Variants in PUDP observed in about 807,000 individuals in gnomAD.
PUDP encodes the protein pseudouridine-5'-phosphatase.
PUDP carries 8 observed loss-of-function variants against 9.4 expected under a neutral mutation model. The observed-to-expected ratio is 0.85, with a 90% CI of 0.50 to 1.53. The LOEUF (loss-of-function observed/expected upper bound fraction) is 1.53. PUDP is among the 40% of genes most tolerant of loss of function. The pLI is 0.00. For missense variants in PUDP, 188 were observed against 189.7 expected (o/e 0.99, Z 0.05); for synonymous variants, 99 against 80.7 (o/e 1.23, Z -1.22).
At chrX:6,790,962 C>T (rs1171697449) in intron 3 of PUDP, among the ~76,000 whole-genome samples, 1 of 111,815 alleles carries the variant, frequency 8.9e-6, no homozygotes, top group Non-Finnish European at 1.9e-5. Flanking sequence ...TAAATATAAG[C>T]TTGGTGGAAA....
intron 3 of PUDP, among the ~76,000 whole-genome samples, chrX:6,811,054 T>C (rs1204594446): frequency 1.8e-5 from 2 of 111,829 alleles, no homozygotes; most frequent in Non-Finnish European, 3.8e-5. Context: ...TCCTGAAGCA[T>C]AGCCCAGCAA....
chrX:6,953,983 T>C, intron 3 of PUDP, among the ~76,000 whole-genome samples: 1 of 110,517 alleles, frequency 9.0e-6, no homozygotes. Flanking sequence ...CGAGATCCGA[T>C]GGTTTTATAC....
chrX:7,076,838 C>T (rs979319401), intron 3 of PUDP, among the ~76,000 whole-genome samples: 1 of 112,252 alleles, frequency 8.9e-6, no homozygotes, highest in African/African-American at 3.2e-5. Flanking sequence ...TGATTTACAT[C>T]TGAACTGCAG....
intron 3 of PUDP, among the ~76,000 whole-genome samples, chrX:6,960,000 T>C (rs1928684388): frequency 8.9e-6 from 1 of 112,573 alleles, no homozygotes; most frequent in African/African-American, 3.2e-5. Flanking sequence ...AAAGTAGATA[T>C]CTTGTTTGAT....
chrX:7,130,913 C>T (rs1256112732), intron 1 of PUDP, among the ~76,000 whole-genome samples: 1 of 111,565 alleles, frequency 9.0e-6, no homozygotes, highest in Non-Finnish European at 1.9e-5. Flanking sequence ...AAAGTAAAAA[C>T]TAAAATGGCT....
intron 3 of PUDP, among the ~76,000 whole-genome samples, chrX:7,072,161 T>C (rs1930754631): frequency 8.9e-6 from 1 of 111,849 alleles, no homozygotes; most frequent in Non-Finnish European, 1.9e-5. Flanking sequence ...CTGGTTGAAA[T>C]GAGCCCAGTC....
chrX:6,842,650 G>T (rs953493836), intron 3 of PUDP, among the ~76,000 whole-genome samples: 5 of 112,579 alleles, frequency 4.4e-5, no homozygotes, highest in Non-Finnish European at 9.4e-5. Context: ...TTCAAAACTT[G>T]TATTTGAACT....
At chrX:6,942,119 G>A (rs1005377021) in intron 3 of PUDP, among the ~76,000 whole-genome samples, 1 of 110,937 alleles carries the variant, frequency 9.0e-6, no homozygotes, top group Non-Finnish European at 1.9e-5. Context: ...TACTATTCTG[G>A]CAATAGATAC....
chrX:6,939,047 G>A (rs1329078360), intron 3 of PUDP, among the ~76,000 whole-genome samples: 3 of 109,767 alleles, frequency 2.7e-5, no homozygotes, highest in East Asian at 2.8e-4. Context: ...TGCAAACCAC[G>A]GCTTTTTATC....
At position 6,857,984 on chromosome X, in the gene PUDP, C is replaced by T. The variant is rs150739728; in HGVS notation, c.*247+119149G>A. 4.7e-3 allele frequency among the ~76,000 whole-genome samples: 525 copies of T among 111,859 alleles called. 3 individuals carry two copies. The highest frequency in any genetic ancestry group is 0.016 in the African/African-American group (493 of 30,803). ...TATGGTAATGAGGTGACTCAGGGTGCACTGAAGTTAATAGCGTCAGGATGG... is the reference window on the plus strand; with the variant it reads ...TATGGTAATGAGGTGACTCAGGGTGTACTGAAGTTAATAGCGTCAGGATGG... On this transcript the variant is annotated intron_variant and NMD_transcript_variant, in intron 3 of 3. Coordinates refer to the PUDP transcript ENST00000655425.
At chrX:7,116,981 G>A (rs1306103274) in intron 1 of PUDP, 1 of 1,165,300 alleles carries the variant, frequency 8.6e-7, no homozygotes, top group African/African-American at 1.8e-5. Flanking sequence ...CACCGTGATT[G>A]TAAGCCTCTT....
At chrX:7,067,500 T>C (rs1178402857) in intron 3 of PUDP, among the ~76,000 whole-genome samples, 5 of 111,901 alleles carry the variant, frequency 4.5e-5, no homozygotes, top group African/African-American at 1.6e-4. Context: ...GAACACTTAC[T>C]GAGCTGTGAC....
intron 3 of PUDP, among the ~76,000 whole-genome samples, chrX:6,907,438 C>T (rs1927785277): frequency 8.9e-6 from 1 of 111,912 alleles, no homozygotes; most frequent in Admixed American, 9.5e-5. Flanking sequence ...AGCCGCTCTC[C>T]ATGTCTGTCC....
chrX:7,108,498 C>A (rs947026761), intron 1 of PUDP, among the ~76,000 whole-genome samples: 2 of 110,772 alleles, frequency 1.8e-5, no homozygotes, highest in Admixed American at 9.6e-5. Flanking sequence ...TGTGCACTGA[C>A]CCCCTCTGTG....
chrX:7,122,215 ATGTGTGTG>A (rs62871862), intron 1 of PUDP, among the ~76,000 whole-genome samples: 154 of 99,951 alleles, frequency 1.5e-3, no homozygotes, highest in African/African-American at 3.2e-3. Context: ...AAACCCATAT[ATGTGTGTG>A]TGTGTGTGTG....
chrX:6,792,708 C>A (rs764655590), intron 3 of PUDP, among the ~76,000 whole-genome samples: 46 of 112,416 alleles, frequency 4.1e-4, no homozygotes, highest in African/African-American at 1.5e-3. Flanking sequence ...TTAAAATGGA[C>A]AGTTTTTCCT....
At chrX:7,105,516 A>G in intron 2 of PUDP, 104 bp downstream of exon 2, 1 of 567,387 alleles carries the variant, frequency 1.8e-6, no homozygotes, top group Non-Finnish European at 2.8e-6. Context: ...TACTGAAGAA[A>G]AGAGGACAAA....
At chrX:6,790,421 T>C (rs1217456867) in intron 3 of PUDP, among the ~76,000 whole-genome samples, 2 of 112,063 alleles carry the variant, frequency 1.8e-5, no homozygotes, top group East Asian at 5.6e-4. Flanking sequence ...ATGCAAAAAA[T>C]AAAAATCAAA....
intron 1 of PUDP, among the ~76,000 whole-genome samples, chrX:7,022,811 A>G (rs1929652142): frequency 8.9e-6 from 1 of 111,884 alleles, no homozygotes; most frequent in African/African-American, 3.3e-5. Flanking sequence ...CGTACCTGAA[A>G]CAACCAGAAA....
Sources: allele counts gnomAD v4.1 joint callset (sites outside exome capture counted in the v4.1 genomes callset), GRCh38; gene constraint gnomAD v4.1.1; transcripts MANE v1.5; gene names NCBI Gene and HGNC (gene_info 2026-07-23, HGNC 2026-07-21).